Variants in CADM2 observed in about 807,000 individuals in gnomAD.
CADM2 encodes cell adhesion molecule 2, also known as immunoglobulin superfamily member 4D.
In CADM2, 12 loss-of-function variants were observed where a neutral mutation model predicts 49.8. That is an observed-to-expected ratio of 0.24 (90% CI 0.15 to 0.39). The LOEUF (loss-of-function observed/expected upper bound fraction) is 0.39, where lower values mean the gene tolerates loss of function less well. CADM2 is among the 10% of genes least tolerant of loss of function. CADM2 has a pLI of 1.00. For synonymous variants in CADM2, 214 were observed against 175.4 expected, an observed-to-expected ratio of 1.22 and a Z score of -1.74; for missense variants, 378 against 492.3, an observed-to-expected ratio of 0.77 and a Z score of 2.20.
chr3:85,589,056 G>T (rs2063026775), intron 1 of CADM2, among the ~76,000 whole-genome samples: 2 of 152,034 alleles, frequency 1.3e-5, no homozygotes, highest in East Asian at 1.9e-4. Flanking sequence ...ATACAGTTTA[G>T]TATGAATGGG....
chr3:85,921,716 G>A (rs1434371802), intron 6 of CADM2, among the ~76,000 whole-genome samples: 2 of 151,926 alleles, frequency 1.3e-5, no homozygotes, highest in South Asian at 4.1e-4. Context: ...GTAGTTCTAT[G>A]GGTTTTGACA....
chr3:85,556,201 GAAAAT>G (rs2061956172), intron 1 of CADM2, among the ~76,000 whole-genome samples: 1 of 152,010 alleles, frequency 6.6e-6, no homozygotes, highest in African/African-American at 2.4e-5. Flanking sequence ...GTAAGCTAGA[GAAAAT>G]AAAATATTAT....
intron 1 of CADM2, among the ~76,000 whole-genome samples, chr3:85,195,381 A>AT (rs2041317359): frequency 6.6e-6 from 1 of 152,106 alleles, no homozygotes; most frequent in African/African-American, 2.4e-5. Flanking sequence ...GTTTTAAGGA[A>AT]TGCCAGAGGC....
chr3:86,048,427 C>T (rs1490788744), intron 8 of CADM2, among the ~76,000 whole-genome samples: 1 of 151,994 alleles, frequency 6.6e-6, no homozygotes, highest in Non-Finnish European at 1.5e-5. Context: ...AGGTAAATCA[C>T]ATACCTACTC....
At chr3:85,373,057 A>C (rs1469227248) in intron 1 of CADM2, among the ~76,000 whole-genome samples, 5 of 152,088 alleles carry the variant, frequency 3.3e-5, no homozygotes, top group Admixed American at 2.6e-4. Flanking sequence ...TCACATTTCA[A>C]AACCAATCAT....
At chr3:85,115,043 A>G (rs1310343770) in intron 1 of CADM2, among the ~76,000 whole-genome samples, 3 of 152,182 alleles carry the variant, frequency 2.0e-5, no homozygotes, top group Non-Finnish European at 4.4e-5. Flanking sequence ...ATGTTATTTC[A>G]TTTATATCTA....
intron 2 of CADM2, among the ~76,000 whole-genome samples, chr3:85,729,170 T>G (rs1215979121): frequency 6.6e-6 from 1 of 152,182 alleles, no homozygotes; most frequent in Non-Finnish European, 1.5e-5. Flanking sequence ...TTCCTTTGGT[T>G]TCAGTGGCAC....
At chr3:85,326,626 T>G (rs1414404417) in intron 1 of CADM2, among the ~76,000 whole-genome samples, 1 of 152,176 alleles carries the variant, frequency 6.6e-6, no homozygotes, top group Non-Finnish European at 1.5e-5. Flanking sequence ...CAAAAAATTA[T>G]ATATGGCTAA....
chr3:85,110,005 G>A (rs2038391582), intron 1 of CADM2, among the ~76,000 whole-genome samples: 1 of 151,914 alleles, frequency 6.6e-6, no homozygotes, highest in Non-Finnish European at 1.5e-5. Context: ...TGCAGTAAAA[G>A]TGAATGGCTA....
chr3:85,903,304 G>A (rs1169345682), intron 5 of CADM2, among the ~76,000 whole-genome samples: 2 of 150,710 alleles, frequency 1.3e-5, no homozygotes, highest in Non-Finnish European at 3.0e-5. Context: ...ACCTTTACTG[G>A]TGCTTTTTTT....
intron 8 of CADM2, among the ~76,000 whole-genome samples, chr3:85,962,524 A>G (rs891537125): frequency 6.6e-6 from 1 of 151,992 alleles, no homozygotes; most frequent in African/African-American, 2.4e-5. Context: ...ACCAGTCGCC[A>G]TGAGTGAATA....
chr3:86,045,161 A>T (rs1051862111), intron 8 of CADM2, among the ~76,000 whole-genome samples: 1 of 152,116 alleles, frequency 6.6e-6, no homozygotes, highest in Non-Finnish European at 1.5e-5. Flanking sequence ...TACATGTGTA[A>T]CTAACCTGCA....
chr3:85,618,302 A>C (rs978880562), intron 1 of CADM2, among the ~76,000 whole-genome samples: 5 of 152,148 alleles, frequency 3.3e-5, no homozygotes, highest in African/African-American at 1.2e-4. Flanking sequence ...ACAATATATG[A>C]ATAAGATGAC....
chr3:85,066,971 G>A (rs981047655), intron 1 of CADM2, among the ~76,000 whole-genome samples: 1 of 151,890 alleles, frequency 6.6e-6, no homozygotes, highest in Non-Finnish European at 1.5e-5. Flanking sequence ...AGGATATTTG[G>A]TTTTCGTTTC....
intron 1 of CADM2, among the ~76,000 whole-genome samples, chr3:85,685,938 A>G (rs909151773): frequency 6.6e-6 from 1 of 152,094 alleles, no homozygotes; most frequent in Non-Finnish European, 1.5e-5. Context: ...TTTCTTACTG[A>G]TAGAGAATCA....
intron 1 of CADM2, among the ~76,000 whole-genome samples, chr3:85,636,039 T>C (rs2064464387): frequency 6.6e-6 from 1 of 152,228 alleles, no homozygotes; most frequent in Non-Finnish European, 1.5e-5. Context: ...AATACAAGGC[T>C]ATGTTACCAG....
chr3:85,101,455 C>A (rs2038009649), intron 1 of CADM2, among the ~76,000 whole-genome samples: 1 of 152,046 alleles, frequency 6.6e-6, no homozygotes, highest in Admixed American at 6.5e-5. Context: ...ACTTACATTT[C>A]TTAAAATGTG....
chr3:85,327,229 AAC>A (rs1305432150), intron 1 of CADM2, among the ~76,000 whole-genome samples: 2 of 151,988 alleles, frequency 1.3e-5, no homozygotes, highest in Non-Finnish European at 2.9e-5. Flanking sequence ...AAATATGTTA[AAC>A]ACACACATTT....
intron 1 of CADM2, among the ~76,000 whole-genome samples, chr3:85,684,138 A>G (rs2066127124): frequency 6.6e-6 from 1 of 152,238 alleles, no homozygotes; most frequent in Non-Finnish European, 1.5e-5. Flanking sequence ...TTTAAATGTT[A>G]TAAATCTTTC....
Sources: gnomAD v4.1 joint callset for allele counts (sites outside exome capture counted in the v4.1 genomes callset) on GRCh38, gnomAD v4.1.1 for gene constraint, MANE v1.5 for transcripts, NCBI Gene and HGNC (gene_info 2026-07-23, HGNC 2026-07-21) for gene names.